Variants in FARS2 observed in about 807,000 individuals in gnomAD.
The protein encoded by FARS2 is phenylalanyl-tRNA synthetase 2, mitochondrial.
A neutral mutation model predicts 46.4 loss-of-function variants in FARS2; 40 were observed. The ratio of observed to expected loss-of-function variants is 0.86; its 90% CI spans 0.67 to 1.12. The LOEUF is 1.12. Among genes scored for constraint, FARS2 ranks in the 50% most tolerant of loss-of-function variants. FARS2 has a pLI of 0.00. For synonymous variants in FARS2, 234 were observed against 214.9 expected, an observed-to-expected ratio of 1.09 and a Z score of -0.78; for missense variants, 513 against 567.9, an observed-to-expected ratio of 0.90 and a Z score of 0.98.
chr6:5,742,139 GC>G (rs1409371680), intron 6 of FARS2, among the ~76,000 whole-genome samples: 1 of 152,084 alleles, frequency 6.6e-6, no homozygotes, highest in Non-Finnish European at 1.5e-5. Flanking sequence ...GTCAGCTTTT[GC>G]CCCAGGATTG....
intron 6 of FARS2, among the ~76,000 whole-genome samples, chr6:5,678,761 C>T (rs1434304458): frequency 2.6e-5 from 4 of 152,304 alleles, no homozygotes; most frequent in South Asian, 2.1e-4. Flanking sequence ...CACCCTGGTA[C>T]GTGCTCTTTA....
intron 3 of FARS2, among the ~76,000 whole-genome samples, chr6:5,425,941 G>A (rs574281029): frequency 6.6e-6 from 1 of 152,314 alleles, no homozygotes; most frequent in Admixed American, 6.5e-5. Context: ...AGAAGAGGCA[G>A]GTGGGGCTCA....
chr6:5,558,838 AT>A (rs1415763399), intron 5 of FARS2, among the ~76,000 whole-genome samples: 2 of 152,004 alleles, frequency 1.3e-5, no homozygotes, highest in African/African-American at 4.8e-5. Context: ...TCACTGTAAG[AT>A]TTATTAATTA....
intron 5 of FARS2, among the ~76,000 whole-genome samples, chr6:5,596,569 G>A (rs1055475347): frequency 6.6e-6 from 1 of 152,214 alleles, no homozygotes; most frequent in Non-Finnish European, 1.5e-5. Context: ...GCTCTTAATT[G>A]ATGATTTTGC....
chr6:5,384,646 G>A (rs1056006594), intron 2 of FARS2, among the ~76,000 whole-genome samples: 5 of 152,164 alleles, frequency 3.3e-5, no homozygotes, highest in African/African-American at 1.2e-4. Flanking sequence ...GTTGGCCAGC[G>A]AGGACTTGTT....
intron 4 of FARS2, among the ~76,000 whole-genome samples, chr6:5,538,183 T>A: frequency 6.6e-6 from 1 of 150,636 alleles, no homozygotes. Flanking sequence ...CTTAAAACCC[T>A]GTCAGACCTG....
intron 5 of FARS2, among the ~76,000 whole-genome samples, chr6:5,564,178 T>C (rs987372925): frequency 2.0e-5 from 3 of 152,162 alleles, no homozygotes; most frequent in South Asian, 2.1e-4. Context: ...CTGTTGCAAA[T>C]AGTAGAGTGA....
At chr6:5,293,780 A>G (rs1250605824) in intron 1 of FARS2, among the ~76,000 whole-genome samples, 1 of 152,252 alleles carries the variant, frequency 6.6e-6, no homozygotes, top group East Asian at 1.9e-4. Context: ...CTGTTACAAC[A>G]GGAATTTTAG....
intron 6 of FARS2, among the ~76,000 whole-genome samples, chr6:5,688,521 T>G (rs1757430477): frequency 6.6e-6 from 1 of 152,240 alleles, no homozygotes; most frequent in African/African-American, 2.4e-5. Context: ...TTGCGTATGT[T>G]GAAGCAGCCT....
chr6:5,445,835 T>G (rs1764152528), intron 4 of FARS2, among the ~76,000 whole-genome samples: 1 of 152,146 alleles, frequency 6.6e-6, no homozygotes, highest in Non-Finnish European at 1.5e-5. Context: ...CTGCTGGGAT[T>G]GACAGTAACC....
chr6:5,517,593 C>T (rs1768886350), intron 4 of FARS2, among the ~76,000 whole-genome samples: 1 of 146,400 alleles, frequency 6.8e-6, no homozygotes, highest in African/African-American at 2.6e-5. Context: ...GCCTGGGAGA[C>T]AAGAGTGAGA....
At chr6:5,470,833 A>G (rs1765768526) in intron 4 of FARS2, among the ~76,000 whole-genome samples, 1 of 152,228 alleles carries the variant, frequency 6.6e-6, no homozygotes, top group Non-Finnish European at 1.5e-5. Context: ...AGGTGAGTGG[A>G]AAGTAAAGAG....
At chr6:5,329,868 T>C (rs1015709158) in intron 1 of FARS2, among the ~76,000 whole-genome samples, 11 of 152,334 alleles carry the variant, frequency 7.2e-5, no homozygotes, top group African/African-American at 2.6e-4. Flanking sequence ...AACTCTGTGG[T>C]TCAGGAGTTT....
chr6:5,703,960 C>T (rs551469542), intron 6 of FARS2, among the ~76,000 whole-genome samples: 82 of 152,138 alleles, frequency 5.4e-4, no homozygotes, highest in African/African-American at 1.8e-3. Flanking sequence ...TCTCTGAGCT[C>T]CTTCCTCCCT....
At chr6:5,389,905 C>T (rs1760388568) in intron 2 of FARS2, among the ~76,000 whole-genome samples, 1 of 152,076 alleles carries the variant, frequency 6.6e-6, no homozygotes, top group South Asian at 2.1e-4. Context: ...CTCTCTGTCA[C>T]CCAAGCTGGA....
rs184647317 is a variant in FARS2, at chr6:5,491,602, T to G, written c.905-53578T>G. ...GTTCCATAAACACAGTGCTTCCCCA[T>G]GCTGCAGGAGTCCTTCCCCGAAAGA... On this transcript the variant is annotated intron_variant, in intron 4 of 6. Coordinates refer to ENST00000274680, the MANE Select transcript of FARS2 (RefSeq NM_006567.5). 1.7e-3 allele frequency among the ~76,000 whole-genome samples: 257 copies of G among 152,340 alleles called. 1 individual carries two copies. Among genetic ancestry groups the G allele is most frequent in the African/African-American group, 5.7e-3 (237 of 41,596 alleles).
intron 5 of FARS2, among the ~76,000 whole-genome samples, chr6:5,554,983 T>C (rs1227615911): frequency 1.3e-5 from 2 of 152,082 alleles, no homozygotes; most frequent in East Asian, 1.9e-4. Flanking sequence ...ATATGTAATA[T>C]GGTTTGGCTC....
At chr6:5,725,502 GA>G (rs1442655645) in intron 6 of FARS2, among the ~76,000 whole-genome samples, 1 of 152,242 alleles carries the variant, frequency 6.6e-6, no homozygotes, top group Non-Finnish European at 1.5e-5. Flanking sequence ...CTGGCAGTGG[GA>G]AGAGTTACCT....
intron 6 of FARS2, among the ~76,000 whole-genome samples, chr6:5,657,989 G>T (rs949617374): frequency 2.6e-5 from 4 of 152,174 alleles, no homozygotes; most frequent in African/African-American, 9.6e-5. Flanking sequence ...TTAGAAATAA[G>T]ATAACATATT....
Sources: allele counts gnomAD v4.1 joint callset (sites outside exome capture counted in the v4.1 genomes callset), GRCh38; gene constraint gnomAD v4.1.1; transcripts MANE v1.5; gene names NCBI Gene and HGNC (gene_info 2026-07-23, HGNC 2026-07-21).